Variants in ZNF555 observed in about 807,000 individuals in gnomAD.
ZNF555 encodes zinc finger protein 555.
Under a neutral mutation model 14.0 loss-of-function variants are expected in ZNF555, and 10 were observed. The ratio of observed to expected loss-of-function variants is 0.72; its 90% confidence interval spans 0.44 to 1.21. ZNF555 has a LOEUF of 1.21. Ranked by LOEUF, ZNF555 falls within the 50% of genes most tolerant of loss-of-function variation. The pLI is 0.00. For synonymous variants in ZNF555, 277 were observed against 262.4 expected (o/e 1.06, Z -0.54); for missense variants, 747 against 762.0 (o/e 0.98, Z 0.23).
chr19:2,857,271 AAAGTT>A lies in ZNF555; in HGVS notation c.*3323_*3327del, dbSNP rs1407160806. 1.3e-5 allele frequency: 2 copies of A among 152,202 alleles called. No individual in the cohort carries two copies. The highest frequency in any genetic ancestry group is 1.9e-4 in the East Asian group (1 of 5,198). 9.4% of individuals were successfully genotyped at this position (152,202 alleles called of 1,614,324 possible). ...ACCCATCATTCCCTCTTAGATGAAAAAAGTTAAGCACGGGGACAACAGAGTCTTGT... is the reference window on the plus strand; with the variant it reads ...ACCCATCATTCCCTCTTAGATGAAAAAAGCACGGGGACAACAGAGTCTTGT... On this transcript the variant is annotated 3_prime_UTR_variant, in exon 4 of 4. Coordinates refer to ENST00000334241, the MANE Select transcript of ZNF555 (RefSeq NM_152791.5).
In ZNF555 at chr19:2,851,599, T is replaced by G; in HGVS notation, c.262T>G (p.Trp88Gly). Reference protein sequence around the residue: ...VSWASVLGKIWDSLSIEDQTT... With the variant: ...VSWASVLGKIGDSLSIEDQTT... ...CTGGGCCTCTGTTTTAGGAAAAATTTGGGACAGTCTTAGCATCGAAGATCA... is the reference window on the plus strand; with the variant it reads ...CTGGGCCTCTGTTTTAGGAAAAATTGGGGACAGTCTTAGCATCGAAGATCA... Residue 88 changes from tryptophan to glycine, a missense_variant, in exon 3 of 4, where the codon TGG becomes GGG. Trp to Gly is a radical substitution (Grantham distance 184, BLOSUM62 -2). Coordinates refer to ENST00000334241, the MANE Select transcript of ZNF555 (RefSeq NM_152791.5). 1.2e-6 allele frequency: 2 copies of G among 1,611,572 alleles called. No homozygotes were observed. Among genetic ancestry groups the G allele is most frequent in the East Asian group, 4.5e-5 (2 of 44,722 alleles).
At chr19:2,844,410 T>G (rs2087565197) in intron 1 of ZNF555, among the ~76,000 whole-genome samples, 1 of 151,984 alleles carries the variant, frequency 6.6e-6, no homozygotes, top group Non-Finnish European at 1.5e-5. Flanking sequence ...GCCATTTTTA[T>G]GTATTTCTAG....
rs1405622999 is a variant in ZNF555 at position 2,853,918 on chromosome 19, T to C, written c.1853T>C (p.Leu618Pro). ...GAAAAGTCACACCAGGAGAGAGATC[T>C]GATCAAAGTTGTAAATATGGTGTTG... ...ASEKSHQERDLIKVVNMVLPL is the reference protein window; with the variant it reads ...ASEKSHQERDPIKVVNMVLPL The change falls in exon 4 of 4, where the codon CTG (leucine) becomes CCG (proline). Residue 618 changes from leucine (L) to proline (P), a missense_variant. Physicochemically the swap from Leu to Pro is moderately conservative, Grantham distance 98 (BLOSUM62 -3). Transcript: ENST00000334241. 1.2e-6 allele frequency: 2 copies of C among 1,613,874 alleles called. No homozygotes were observed. The highest frequency in any genetic ancestry group is 8.5e-7 in the Non-Finnish European group (1 of 1,180,022).
intron 1 of ZNF555, among the ~76,000 whole-genome samples, chr19:2,843,659 C>A (rs2087557389): frequency 6.6e-6 from 1 of 152,162 alleles, no homozygotes; most frequent in Non-Finnish European, 1.5e-5. Context: ...GTTCTGCTTC[C>A]AATACTGCAG....
rs114140888 is a variant in ZNF555 at position 2,852,509 on chromosome 19, C to T, written c.444C>T (p.Tyr148=). 36 of 1,614,006 alleles carry T rather than the reference C, an allele frequency of 2.2e-5. No homozygotes were observed. In the African/African-American group the frequency reaches 2.8e-4, roughly 13 times the overall value. The change falls in exon 4 of 4, where the codon TAC becomes TAT. Residue 148 remains tyrosine, a synonymous_variant. Transcript: ENST00000334241. ...TAAAACAGTATGAATACAACACGTACGGAAAAGTCTTCATGCATCGCCGCA... is the reference window on the plus strand; with the variant it reads ...TAAAACAGTATGAATACAACACGTATGGAAAAGTCTTCATGCATCGCCGCA... ...PGVKQYEYNT[Y]GKVFMHRRTS...
Position 2,858,437 on chromosome 19 carries a change from A to G in ZNF555, c.*4485A>G, listed in dbSNP as rs923907681. The stretch of plus-strand genomic sequence containing the variant: ...TGGGAATGCTGTGGTTCTGAAACAT[A>G]AAACGGGGACCCTACACTTCTTCCC... On this transcript the variant is annotated 3_prime_UTR_variant, in exon 4 of 4. Transcript: ENST00000334241. The G allele has an allele frequency of 1.3e-5, 2 of 152,204 alleles. No individual in the cohort carries two copies. Among genetic ancestry groups the G allele is most frequent in the Non-Finnish European group, 2.9e-5 (2 of 68,056 alleles). 9.4% of individuals were successfully genotyped at this position (152,204 alleles called of 1,614,324 possible). A position where few individuals can be genotyped will look rare whatever the true frequency, so the allele number is the denominator to read the frequency against.
Position 2,850,986 on chromosome 19 carries a change from C to T in ZNF555, c.130+273C>T, listed in dbSNP as rs535595207. 2.7e-5 allele frequency among the ~76,000 whole-genome samples: 4 copies of T among 147,236 alleles called. No homozygotes were observed. The East Asian group carries it at 6.1e-4, about 22-fold the overall frequency. ...CCTAGTGAAATTTGTTTGTGCAAGCCAGTGAAAATTTGATTTTTTTTTTTT... is the reference window on the plus strand; with the variant it reads ...CCTAGTGAAATTTGTTTGTGCAAGCTAGTGAAAATTTGATTTTTTTTTTTT... On this transcript the variant is annotated intron_variant, in intron 2 of 3. Transcript: ENST00000334241.
rs756789200 is a variant in ZNF555 at position 2,852,883 on chromosome 19, GAC to G, written c.824_825del (p.Thr275AsnfsTer10). ...TTCAGTTATTCCTCAACGTTTCGAA[GAC>G]ACACAATAACACACACTGGCGAGAA... On this transcript the variant is annotated frameshift_variant, in exon 4 of 4. Transcript: ENST00000334241. LOFTEE classifies it low-confidence loss of function (END_TRUNC). The G allele has an allele frequency of 1.8e-5, 29 of 1,614,144 alleles. No individual in the cohort carries two copies. The highest frequency in any genetic ancestry group is 2.2e-5 in the East Asian group (1 of 44,870).
intron 3 of ZNF555, 125 bp downstream of exon 3, chr19:2,851,776 AT>A: frequency 2.4e-6 from 2 of 829,166 alleles, no homozygotes; most frequent in Non-Finnish European, 1.7e-6. Flanking sequence ...AATCCACAGA[AT>A]TTTTACAAAA....
chr19:2,857,013 T>C lies in ZNF555; in HGVS notation c.*3061T>C, dbSNP rs1055526487. 2.0e-5 allele frequency: 3 copies of C among 152,222 alleles called. No homozygotes were observed. Among genetic ancestry groups the C allele is most frequent in the Admixed American group, 2.0e-4 (3 of 15,282 alleles). The allele number at this position is 152,222 out of a possible 1,614,324, so 9.4% of individuals were successfully genotyped here. A position where few individuals can be genotyped will look rare whatever the true frequency, so the allele number is the denominator to read the frequency against. ...AGGCCAAGGAGGCAGAAGCTTTTGT[T>C]TTAATGAGCCAGAAAGCCCCAAAAG... On this transcript the variant is annotated 3_prime_UTR_variant, in exon 4 of 4. Transcript: ENST00000334241.
Position 2,845,364 on chromosome 19 carries a change from C to G in ZNF555, c.3+3789C>G, listed in dbSNP as rs573815373. On this transcript the variant is annotated intron_variant, in intron 1 of 3. Coordinates refer to ENST00000334241, the MANE Select transcript of ZNF555 (RefSeq NM_152791.5). ...GACCACATTTTCTTTAGTGCACTGT[C>G]TTTGGTCACCTAGGTTGATTCCATG... Among the ~76,000 whole-genome samples, 29 of 152,252 alleles carry G rather than the reference C, an allele frequency of 1.9e-4. No individual in the cohort carries two copies. In the South Asian group the frequency reaches 4.8e-3, roughly 25 times the overall value.
chr19:2,851,336 A>G (rs189278989), intron 2 of ZNF555, 132 bp from the exon 3 acceptor site: 1 of 673,716 alleles, frequency 1.5e-6, no homozygotes. Flanking sequence ...GCTTACTAAT[A>G]CTGTGTTGAT....
At position 2,853,185 on chromosome 19, in the gene ZNF555, G is replaced by A; in HGVS notation, c.1120G>A (p.Gly374Arg). ...GAAACCCTACGAATGCAAACAGTGT[G>A]GGAAGACCTTCATTTATCCCCAGTC... ...GEKPYECKQC[G>R]KTFIYPQSFR... is the part of the protein sequence containing the mutation. The change falls in exon 4 of 4, where the codon GGG becomes AGG. Residue 374 changes from glycine (G) to arginine (R), a missense_variant. Transcript: ENST00000334241. 1 of 1,614,152 alleles carries A rather than the reference G, an allele frequency of 6.2e-7. No homozygotes were observed. Among genetic ancestry groups the A allele is most frequent in the South Asian group, 1.1e-5 (1 of 91,072 alleles).
intron 2 of ZNF555, 27 bp from the exon 3 acceptor site, chr19:2,851,441 T>C (rs750641809): frequency 1.5e-5 from 23 of 1,544,876 alleles, no homozygotes; most frequent in South Asian, 1.3e-4. Flanking sequence ...TGCCTTCTTA[T>C]ATGATTTGTT....
rs1170350805 is a variant in ZNF555 at position 2,852,663 on chromosome 19, T to C, written c.598T>C (p.Tyr200His). ...HVRTHNGERP[Y>H]VCKLCGKTFP... ...GAGAACCCACAATGGAGAGAGACCC[T>C]ATGTGTGTAAATTATGTGGGAAAAC... The change falls in exon 4 of 4, where the codon TAT becomes CAT. Residue 200 changes from tyrosine to histidine, a missense_variant. By Grantham distance (83) the Tyr-to-His change is moderately conservative. Coordinates refer to ENST00000334241, the MANE Select transcript of ZNF555 (RefSeq NM_152791.5). The C allele has an allele frequency of 6.2e-7, 1 of 1,614,204 alleles. No homozygotes were observed. The highest frequency in any genetic ancestry group is 8.5e-7 in the Non-Finnish European group (1 of 1,180,034).
rs1159034542 is a variant in ZNF555, at chr19:2,841,565, C to T, written c.-8C>T. On this transcript the variant is annotated 5_prime_UTR_variant, in exon 1 of 4. Transcript: ENST00000334241. ...CCTGCGCCGGTAGCGAAGAAATCGC[C>T]CCGGGACATGGTGAGTGTGGCGCAG... 67 of 1,544,116 alleles carry T rather than the reference C, an allele frequency of 4.3e-5. No individual in the cohort carries two copies. The highest frequency in any genetic ancestry group is 5.8e-5 in the Non-Finnish European group (66 of 1,144,088).
chr19:2,847,602 CATTT>C (rs1352469386), intron 1 of ZNF555, among the ~76,000 whole-genome samples: 4 of 151,988 alleles, frequency 2.6e-5, no homozygotes, highest in Non-Finnish European at 5.9e-5. Flanking sequence ...CTGCCTTCAG[CATTT>C]ATTAGCTGAA....
At chr19:2,846,986 A>C (rs934103433) in intron 1 of ZNF555, among the ~76,000 whole-genome samples, 3 of 152,204 alleles carry the variant, frequency 2.0e-5, no homozygotes, top group African/African-American at 7.2e-5. Flanking sequence ...CTCCAATAGG[A>C]AAAATGATAG....
At chr19:2,843,987 G>C (rs1476025366) in intron 1 of ZNF555, among the ~76,000 whole-genome samples, 1 of 152,044 alleles carries the variant, frequency 6.6e-6, no homozygotes, top group Non-Finnish European at 1.5e-5. Flanking sequence ...TCCTGCCTCA[G>C]CCTCTAAAGT....
Sources: gnomAD v4.1 joint callset for allele counts (sites outside exome capture counted in the v4.1 genomes callset) on GRCh38, gnomAD v4.1.1 for gene constraint, MANE v1.5 for transcripts, NCBI Gene and HGNC (gene_info 2026-07-23, HGNC 2026-07-21) for gene names.